ZBP1: variants seen among roughly 807,000 people sequenced by gnomAD.
ZBP1 encodes Z-DNA-binding protein 1.
In ZBP1, 42 loss-of-function variants were observed where a neutral mutation model predicts 41.1. That is an observed-to-expected ratio of 1.02 (90% CI 0.80 to 1.32). ZBP1 has a LOEUF of 1.32. Among genes scored for constraint, ZBP1 ranks in the 40% most tolerant of loss-of-function variants. ZBP1 has a pLI of 0.00. For synonymous variants in ZBP1, 214 were observed against 205.2 expected (o/e 1.04, Z -0.37); for missense variants, 562 against 549.7 (o/e 1.02, Z -0.22).
chr20:57,613,162 C>T lies in ZBP1; in HGVS notation c.670+1G>A. On this transcript the variant is annotated splice_donor_variant, in intron 5 of 7. Transcript: ENST00000371173. LOFTEE classifies it high-confidence loss of function. This position sits in a 1 kb window ranked among gnomAD's most constrained non-coding sequence, Gnocchi z 4.5. ...TCCCTGGGCTCTCTTGGGTGACTTA[C>T]CGTCCTCCCTGGAGACTGTCTGTCT... is the stretch of plus-strand genomic sequence containing the variant. 2 of 1,613,550 alleles carry T rather than the reference C, an allele frequency of 1.2e-6. No individual in the cohort carries two copies. Among genetic ancestry groups the T allele is most frequent in the Non-Finnish European group, 1.7e-6 (2 of 1,179,702 alleles).
Position 57,611,801 on chromosome 20 carries a change from C to G in ZBP1, c.800G>C (p.Gly267Ala), listed in dbSNP as rs372888151. 4.3e-6 allele frequency: 7 copies of G among 1,612,290 alleles called. No individual in the cohort carries two copies. Among genetic ancestry groups the G allele is most frequent in the Non-Finnish European group, 5.9e-6 (7 of 1,179,452 alleles). Residue 267 changes from glycine (G) to alanine (A), a missense_variant, in exon 6 of 8, where the codon GGA becomes GCA. Coordinates refer to ENST00000371173, the MANE Select transcript of ZBP1 (RefSeq NM_030776.3). ...GTGGAGCCTCATCTCATTGCTGTGT[C>G]CCAGCTGCACCCGTCTCAGTATGGA... The part of the protein sequence containing the change: ...EQSILRRVQL[G>A]HSNEMRLHGV...
At chr20:57,606,271 G>A (rs896693485) in intron 7 of ZBP1, among the ~76,000 whole-genome samples, 6 of 152,242 alleles carry the variant, frequency 3.9e-5, no homozygotes, top group African/African-American at 1.2e-4. Context: ...CCTAAGCCTC[G>A]TCTAGGGCAA....
rs751395998 is a variant in ZBP1 at position 57,614,964 on chromosome 20, C to T, written c.425G>A (p.Arg142Gln). ...CCTGCTCTTCATCCTGTACAAGTCT[C>T]GGTTCACATCTTTTGCTGTCCTCAT... ...LGMRTAKDVN[R>Q]DLYRMKSRHL... is the part of the protein sequence containing the mutation. The change falls in exon 4 of 8, where the codon CGA (arginine) becomes CAA (glutamine). Residue 142 changes from arginine to glutamine, a missense_variant. Coordinates refer to ENST00000371173, the MANE Select transcript of ZBP1 (RefSeq NM_030776.3). 12 of 1,614,144 alleles carry T rather than the reference C, an allele frequency of 7.4e-6. No individual in the cohort carries two copies. Among genetic ancestry groups the T allele is most frequent in the South Asian group, 6.6e-5 (6 of 91,092 alleles).
intron 1 of ZBP1, 90 bp downstream of exon 1, chr20:57,620,172 T>G: frequency 6.8e-6 from 10 of 1,459,950 alleles, no homozygotes; most frequent in Non-Finnish European, 9.4e-6. Context: ...ATTGTCATCA[T>G]GATCTGGACC....
intron 1 of ZBP1, 71 bp downstream of exon 1, chr20:57,620,191 C>T: frequency 6.6e-7 from 1 of 1,521,814 alleles, no homozygotes; most frequent in Non-Finnish European, 8.9e-7. Context: ...CCAAGCGAAA[C>T]AGGAGGAAAG....
chr20:57,615,437 C>T, intron 3 of ZBP1, 75 bp downstream of exon 3: 1 of 1,510,150 alleles, frequency 6.6e-7, no homozygotes, highest in Non-Finnish European at 9.2e-7. Flanking sequence ...GATCTTGTAC[C>T]CTCAAGGAGG....
chr20:57,611,960 G>A (rs1266798312), intron 5 of ZBP1, 30 bp from the exon 6 acceptor site: 31 of 1,546,484 alleles, frequency 2.0e-5, no homozygotes, highest in South Asian at 8.3e-5. Context: ...CAGCCTCACC[G>A]GAGATTACTG....
chr20:57,616,782 C>T, intron 1 of ZBP1: 1 of 418,410 alleles, frequency 2.4e-6, no homozygotes, highest in South Asian at 2.2e-5. Context: ...CTCAGGTGTC[C>T]TCAGGGCAGA....
At position 57,604,007 on chromosome 20, in the gene ZBP1, C is replaced by T. The variant is rs186668803; in HGVS notation, c.*566G>A. 5.1e-6 allele frequency: 1 copy of T among 197,968 alleles called. No individual in the cohort carries two copies. The highest frequency in any genetic ancestry group is 1.0e-5 in the Non-Finnish European group (1 of 96,248). 12.3% of individuals were successfully genotyped at this position (197,968 alleles called of 1,614,324 possible). A position where few individuals can be genotyped will look rare whatever the true frequency, so the allele number is the denominator to read the frequency against. ...CTCAGCCTCCGGAGTAGCTGGGACT[C>T]CAGGTGCCCGCCACAACGCCCGGCT... On this transcript the variant is annotated 3_prime_UTR_variant, in exon 8 of 8. Transcript: ENST00000371173.
intron 1 of ZBP1, 133 bp downstream of exon 1, chr20:57,620,129 C>T (rs1346118065): frequency 6.1e-6 from 7 of 1,139,400 alleles, no homozygotes; most frequent in Non-Finnish European, 8.9e-6. Flanking sequence ...AGCCACCACG[C>T]CCAGCTGGTC....
At chr20:57,608,344 G>A (rs1240978710) in intron 7 of ZBP1, among the ~76,000 whole-genome samples, 2 of 152,158 alleles carry the variant, frequency 1.3e-5, no homozygotes, top group Non-Finnish European at 2.9e-5. Context: ...GGATGGTCTC[G>A]ATCTCCTGAC....
chr20:57,615,456 T>A, intron 3 of ZBP1, 56 bp downstream of exon 3: 6 of 1,580,686 alleles, frequency 3.8e-6, no homozygotes, highest in Non-Finnish European at 5.2e-6. Context: ...GGGCCTGGGG[T>A]TCCTGGGGAG....
chr20:57,613,095 G>GC lies in ZBP1; in HGVS notation c.670+67dup. 6.4e-7 allele frequency: 1 copy of GC among 1,567,176 alleles called. No individual in the cohort carries two copies. The highest frequency in any genetic ancestry group is 8.7e-7 in the Non-Finnish European group (1 of 1,153,182). On this transcript the variant is annotated intron_variant, in intron 5 of 7. Transcript: ENST00000371173. This position sits in a 1 kb window ranked among gnomAD's most constrained non-coding sequence, Gnocchi z 4.5. ...CCCCCACTCCCCATCCCTACCCTTT[G>GC]CCCCCACCCAGAGGATCCGGTGGCT...
In ZBP1 at chr20:57,610,420, G is replaced by C; in HGVS notation, c.875-53C>G. ...AGCCAGGAGCAGCTGGACAGTGGCC[G>C]GGAACCCTGACCCCCAGCCTGGTTC... On this transcript the variant is annotated intron_variant, in intron 6 of 7. Transcript: ENST00000371173. This position sits in a 1 kb window ranked among gnomAD's most constrained non-coding sequence, Gnocchi z 5.5. 6.3e-7 allele frequency: 1 copy of C among 1,593,164 alleles called. No homozygotes were observed.
intron 6 of ZBP1, among the ~76,000 whole-genome samples, chr20:57,611,130 C>A (rs1466184495): frequency 6.6e-6 from 1 of 152,216 alleles, no homozygotes; most frequent in East Asian, 1.9e-4. Flanking sequence ...AGTCTCAAAC[C>A]ATCACCCTGC....
intron 7 of ZBP1, among the ~76,000 whole-genome samples, chr20:57,608,673 G>A (rs1026228660): frequency 4.6e-5 from 7 of 152,240 alleles, no homozygotes; most frequent in Non-Finnish European, 8.8e-5. Flanking sequence ...ATGCGCTCCT[G>A]GTCCCCGTTC....
chr20:57,612,342 T>C (rs2070696884), intron 5 of ZBP1, among the ~76,000 whole-genome samples: 1 of 152,252 alleles, frequency 6.6e-6, no homozygotes, highest in Admixed American at 6.5e-5. Context: ...AAAATAATAC[T>C]ATAAAATTGT....
In ZBP1 at chr20:57,611,859, G is replaced by A. The variant is rs764136116; in HGVS notation, c.742C>T (p.Pro248Ser). The change falls in exon 6 of 8, where the codon CCC (proline) becomes TCC (serine). Residue 248 changes from proline to serine, a missense_variant. By Grantham distance (74) the Pro-to-Ser change is moderately conservative (BLOSUM62 -1). Coordinates refer to ENST00000371173, the MANE Select transcript of ZBP1 (RefSeq NM_030776.3). ...ATGTGGATGTCCTGGGGCCCCCAGG[G>A]ATCAACTAGGGTCCCCCAAGTTGAG... The part of the protein sequence containing the change: ...DSSTWGTLVD[P>S]WGPQDIHMEQ... The A allele has an allele frequency of 3.1e-6, 5 of 1,589,926 alleles. No individual in the cohort carries two copies. In the African/African-American group the frequency reaches 6.7e-5, roughly 21 times the overall value.
At position 57,611,799 on chromosome 20, in the gene ZBP1, G is replaced by A; in HGVS notation, c.802C>T (p.His268Tyr). Residue 268 changes from histidine to tyrosine, a missense_variant, in exon 6 of 8, where the codon CAC becomes TAC. Transcript: ENST00000371173. ...CCGTGGAGCCTCATCTCATTGCTGT[G>A]TCCCAGCTGCACCCGTCTCAGTATG... ...QSILRRVQLG[H>Y]SNEMRLHGVP... is the part of the protein sequence containing the mutation. The A allele has an allele frequency of 6.2e-7, 1 of 1,612,686 alleles. No homozygotes were observed. The highest frequency in any genetic ancestry group is 8.5e-7 in the Non-Finnish European group (1 of 1,179,576).
Sources: allele counts gnomAD v4.1 joint callset (sites outside exome capture counted in the v4.1 genomes callset), GRCh38; gene constraint gnomAD v4.1.1; non-coding constraint Gnocchi (gnomAD v3.1); transcripts MANE v1.5; gene names NCBI Gene and HGNC (gene_info 2026-07-23, HGNC 2026-07-21).